The following UBQLN1 variants were observed in gnomAD, a reference collection of about 807,000 sequenced individuals.
The protein encoded by UBQLN1 is ubiquilin-1.
In UBQLN1, 13 loss-of-function variants were observed where a neutral mutation model predicts 65.4. The observed-to-expected ratio is 0.20, with a 90% CI of 0.13 to 0.32. The LOEUF is 0.32. UBQLN1 is among the 10% of genes least tolerant of loss of function. The pLI is 1.00. For missense variants in UBQLN1, 561 were observed against 724.0 expected, an observed-to-expected ratio of 0.77 and a Z score of 2.58; for synonymous variants, 267 against 247.8, an observed-to-expected ratio of 1.08 and a Z score of -0.73.
chr9:83,680,026 C>T lies in UBQLN1; in HGVS notation c.460G>A (p.Gly154Arg). 1 of 1,611,282 alleles carries T rather than the reference C, an allele frequency of 6.2e-7. No individual in the cohort carries two copies. The highest frequency in any genetic ancestry group is 8.5e-7 in the Non-Finnish European group (1 of 1,177,734). The part of the protein sequence containing the change: ...SNPFGLGGLG[G>R]LAGLSSLGLN... The stretch of plus-strand genomic sequence containing the variant: ...CCCAAGCTACTCAGACCTGCAAGTC[C>T]CCCAAGGCCACCTAAGAGGATAAAG... Residue 154 changes from glycine to arginine, a missense_variant, in exon 4 of 11, where the codon GGA becomes AGA. Coordinates refer to ENST00000376395, the MANE Select transcript of UBQLN1 (RefSeq NM_013438.5).
In UBQLN1 at chr9:83,707,723, G is replaced by A. The variant is rs772987126; in HGVS notation, c.-44C>T. 5.3e-6 allele frequency: 8 copies of A among 1,510,546 alleles called. No individual in the cohort carries two copies. Among genetic ancestry groups the A allele is most frequent in the South Asian group, 3.7e-5 (3 of 81,812 alleles). 93.6% of individuals were successfully genotyped at this position (1,510,546 alleles called of 1,614,324 possible). A position where few individuals can be genotyped will look rare whatever the true frequency, so the allele number is the denominator to read the frequency against. ...GGCGGTGACTCAGGCAAGCAGGAGG[G>A]AGCAGGCGAGCAAGGAGGAGCCAGC... On this transcript the variant is annotated 5_prime_UTR_variant, in exon 1 of 11. Coordinates refer to ENST00000376395, the MANE Select transcript of UBQLN1 (RefSeq NM_013438.5).
At chr9:83,699,460 G>A (rs981561547) in intron 1 of UBQLN1, among the ~76,000 whole-genome samples, 4 of 152,130 alleles carry the variant, frequency 2.6e-5, no homozygotes, top group African/African-American at 9.7e-5. Flanking sequence ...TGGACTAGCT[G>A]GGACTACAGG....
At chr9:83,682,896 G>T in intron 3 of UBQLN1, 55 bp downstream of exon 3, 1 of 931,962 alleles carries the variant, frequency 1.1e-6, no homozygotes, top group Non-Finnish European at 1.6e-6. Context: ...AAACTACCCA[G>T]GAAGGGAAAG....
chr9:83,685,539 ACG>A (rs1832026002), intron 2 of UBQLN1, among the ~76,000 whole-genome samples: 2 of 151,776 alleles, frequency 1.3e-5, no homozygotes, highest in African/African-American at 4.8e-5. Flanking sequence ...ACACTGTGGC[ACG>A]CACCTACAGT....
At chr9:83,694,931 T>C (rs1239891518) in intron 1 of UBQLN1, among the ~76,000 whole-genome samples, 4 of 152,156 alleles carry the variant, frequency 2.6e-5, no homozygotes, top group Admixed American at 2.6e-4. Context: ...CTAAGGTTCA[T>C]GCTCTCCTTT....
intron 7 of UBQLN1, chr9:83,668,359 T>C: frequency 2.0e-6 from 2 of 985,410 alleles, no homozygotes; most frequent in Non-Finnish European, 2.4e-6. Flanking sequence ...GTCTTCCAAA[T>C]TCCTGACACA....
intron 1 of UBQLN1, among the ~76,000 whole-genome samples, chr9:83,689,447 A>G (rs1832091393): frequency 6.6e-6 from 1 of 152,240 alleles, no homozygotes; most frequent in Admixed American, 6.5e-5. Flanking sequence ...ATGAACAATT[A>G]ACATATGACC....
At chr9:83,674,931 A>C (rs957883486) in intron 6 of UBQLN1, among the ~76,000 whole-genome samples, 1 of 152,248 alleles carries the variant, frequency 6.6e-6, no homozygotes, top group African/African-American at 2.4e-5. Flanking sequence ...AAAAACGTGC[A>C]GAATTAAAAC....
intron 2 of UBQLN1, among the ~76,000 whole-genome samples, chr9:83,685,329 A>C (rs1425501957): frequency 1.3e-5 from 2 of 152,212 alleles, no homozygotes; most frequent in African/African-American, 4.8e-5. Flanking sequence ...GTATGAAAAA[A>C]TATGGACACT....
intron 1 of UBQLN1, among the ~76,000 whole-genome samples, chr9:83,696,753 A>G (rs888287963): frequency 6.6e-6 from 1 of 152,188 alleles, no homozygotes; most frequent in Non-Finnish European, 1.5e-5. Flanking sequence ...CCAGGACACA[A>G]TGCTAGGCAA....
Position 83,669,251 on chromosome 9 carries a change from C to T in UBQLN1, c.1182G>A (p.Met394Ile). The change falls in exon 7 of 11, where the codon ATG (methionine) becomes ATA (isoleucine). Residue 394 changes from methionine to isoleucine, a missense_variant. By Grantham distance (10) the Met-to-Ile change is conservative. Around this residue, in one of 8 missense-constraint regions of UBQLN1, gnomAD observed 102 missense variants for 150.7 expected, o/e 0.68. Transcript: ENST00000376395. The part of the protein sequence containing the change: ...ITENPQLMQN[M>I]LSAPYMRSMM... ...TGCTTCTCATGTAGGGGGCAGACAACATGTTTTGCATCAGTTGTGGGTTTT... is the reference window on the plus strand; with the variant it reads ...TGCTTCTCATGTAGGGGGCAGACAATATGTTTTGCATCAGTTGTGGGTTTT... 2.5e-6 allele frequency: 4 copies of T among 1,612,652 alleles called. No homozygotes were observed. Among genetic ancestry groups the T allele is most frequent in the Non-Finnish European group, 3.4e-6 (4 of 1,179,770 alleles).
At chr9:83,670,855 C>T (rs1442985201) in intron 6 of UBQLN1, among the ~76,000 whole-genome samples, 1 of 152,330 alleles carries the variant, frequency 6.6e-6, no homozygotes, top group South Asian at 2.1e-4. Context: ...ACAGCAGACT[C>T]TATCTCAAGA....
intron 5 of UBQLN1, 146 bp from the exon 6 acceptor site, chr9:83,678,107 C>T (rs1040771768): frequency 5.4e-5 from 36 of 666,340 alleles, no homozygotes; most frequent in African/African-American, 2.9e-4. Context: ...CTGCAAGCTC[C>T]GCCTCCTGTG....
At chr9:83,680,138 T>A in intron 3 of UBQLN1, 101 bp from the exon 4 acceptor site, 1 of 1,217,592 alleles carries the variant, frequency 8.2e-7, no homozygotes, top group Non-Finnish European at 1.1e-6. Context: ...GCTGACCCAA[T>A]AGTCTATTAC....
At chr9:83,697,252 T>TC (rs1036700118) in intron 1 of UBQLN1, among the ~76,000 whole-genome samples, 3 of 151,502 alleles carry the variant, frequency 2.0e-5, no homozygotes, top group African/African-American at 4.8e-5. Context: ...CTGGTTTTTT[T>TC]TTTTTTTTTT....
chr9:83,704,743 T>C (rs1832369105), intron 1 of UBQLN1, among the ~76,000 whole-genome samples: 1 of 147,470 alleles, frequency 6.8e-6, no homozygotes, highest in Non-Finnish European at 1.5e-5. Context: ...GGGAGAATCC[T>C]TGAACCCGGG....
rs2781004 is a variant in UBQLN1 at position 83,663,998 on chromosome 9, C to T, written c.1494G>A (p.Ser498=). ...LGALGSTGGS[S]GTNGSNATPS... ...GTGTGGCGTTAGATCCATTAGTTCC[C>T]GAAGAGCCTCCAGTGCTTCCTAATG... Residue 498 remains serine, a synonymous_variant, in exon 10 of 11, where the codon TCG becomes TCA. Transcript: ENST00000376395. 265,417 of 1,613,854 alleles carry T rather than the reference C, an allele frequency of 0.16. 23,434 individuals are homozygous for T. Among genetic ancestry groups the T allele is most frequent in the Middle Eastern group, 0.2 (1,189 of 6,058 alleles).
intron 1 of UBQLN1, among the ~76,000 whole-genome samples, chr9:83,705,111 T>C (rs1279630301): frequency 6.6e-6 from 1 of 152,112 alleles, no homozygotes; most frequent in Non-Finnish European, 1.5e-5. Flanking sequence ...CTAAAATAGC[T>C]AAAATTACAG....
intron 1 of UBQLN1, among the ~76,000 whole-genome samples, chr9:83,699,126 C>T (rs1438068762): frequency 1.3e-5 from 2 of 151,950 alleles, no homozygotes; most frequent in East Asian, 3.8e-4. Context: ...ACTGTTTAAA[C>T]GGTCCAGGGT....
Sources: allele counts gnomAD v4.1 joint callset (sites outside exome capture counted in the v4.1 genomes callset), GRCh38; gene constraint gnomAD v4.1.1; regional missense constraint gnomAD v4.1.1; transcripts MANE v1.5; gene names NCBI Gene and HGNC (gene_info 2026-07-23, HGNC 2026-07-21).